MFF: variants seen among roughly 807,000 people sequenced by gnomAD.
MFF encodes the protein mitochondrial fission factor, also known as chromosome 2 open reading frame 33.
MFF carries 12 observed loss-of-function variants against 36.9 expected under a neutral mutation model. The ratio of observed to expected loss-of-function variants is 0.33; its 90% CI spans 0.21 to 0.53. The LOEUF (loss-of-function observed/expected upper bound fraction) is 0.53, where lower values mean the gene tolerates loss of function less well. MFF is among the 20% of genes least tolerant of loss of function. The pLI is 0.95. For synonymous variants in MFF, 99 were observed against 126.2 expected, an observed-to-expected ratio of 0.78 and a Z score of 1.44; for missense variants, 348 against 366.6, an observed-to-expected ratio of 0.95 and a Z score of 0.42.
chr2:227,347,335 A>G lies in MFF; in HGVS notation c.550A>G (p.Thr184Ala). 1 of 1,613,702 alleles carries G rather than the reference A, an allele frequency of 6.2e-7. No individual in the cohort carries two copies. Among genetic ancestry groups the G allele is most frequent in the South Asian group, 1.1e-5 (1 of 91,076 alleles). Residue 184 changes from threonine (T) to alanine (A), a missense_variant, in exon 6 of 9, where the codon ACT becomes GCT. Thr to Ala is a moderately conservative substitution (Grantham distance 58, BLOSUM62 0). Transcript: ENST00000304593. ...RGILSLIQSS[T>A]RRAYQQILDV... is the part of the protein sequence containing the mutation. The stretch of plus-strand genomic sequence containing the variant: ...CATTTTGTCGCTTATCCAGTCTTCT[A>G]CTCGTAGGGCATACCAGCAGATCTT...
intron 1 of MFF, among the ~76,000 whole-genome samples, chr2:227,327,547 G>T (rs1261328821): frequency 6.6e-6 from 1 of 152,184 alleles, no homozygotes; most frequent in Non-Finnish European, 1.5e-5. Context: ...AGCTACAGGA[G>T]AACTTGGCTT....
rs752254842 is a variant in MFF at position 227,330,792 on chromosome 2, G to T, written c.127G>T (p.Gly43Ter). The change falls in exon 3 of 9, where the codon GGA (glycine) becomes TGA (stop). Residue 43 changes from glycine to a stop codon, truncating the protein, a stop_gained. Coordinates refer to ENST00000304593, the MANE Select transcript of MFF (RefSeq NM_001277062.2). LOFTEE classifies it high-confidence loss of function. ...NADLEQGFQE[G>*]VPNASVIMQV... is the part of the protein sequence containing the mutation. ...TGACCTGGAACAAGGATTCCAAGAA[G>T]GAGTTCCAAATGCTAGTGTGATAAT... is the stretch of plus-strand genomic sequence containing the variant. 6.2e-7 allele frequency: 1 copy of T among 1,614,218 alleles called. No individual in the cohort carries two copies. The highest frequency in any genetic ancestry group is 8.5e-7 in the Non-Finnish European group (1 of 1,180,024).
intron 4 of MFF, 113 bp from the exon 5 acceptor site, chr2:227,340,179 T>G: frequency 1.3e-6 from 1 of 773,316 alleles, no homozygotes; most frequent in Non-Finnish European, 2.0e-6. Flanking sequence ...TGCCTTTTCT[T>G]AGTTCGTTGT....
intron 5 of MFF, among the ~76,000 whole-genome samples, chr2:227,343,843 A>G (rs1360707073): frequency 1.3e-5 from 2 of 152,070 alleles, no homozygotes; most frequent in African/African-American, 4.8e-5. Flanking sequence ...GCTGGAGTGC[A>G]ATGGCGTGAT....
Position 227,331,959 on chromosome 2 carries a change from A to ATATTTTTTTTTT in MFF, c.182-459_182-458insATTTTTTTTTTT, listed in dbSNP as rs572787657. On this transcript the variant is annotated intron_variant, in intron 3 of 8. Transcript: ENST00000304593. ...AGTGAAATGTCAATACGCTGGAAGC[A>ATATTTTTTTTTT]TTTTTTTTTTTTTTTTTTTTTTTTT... is the stretch of plus-strand genomic sequence containing the variant. Among the ~76,000 whole-genome samples, 15 of 76,842 alleles carry ATATTTTTTTTTT rather than the reference A, an allele frequency of 2.0e-4. 2 individuals are homozygous for ATATTTTTTTTTT. Among genetic ancestry groups the ATATTTTTTTTTT allele is most frequent in the African/African-American group, 5.5e-4 (12 of 21,946 alleles). 50.4% of individuals were successfully genotyped at this position (76,842 alleles called of 152,430 possible).
chr2:227,347,031 A>G (rs1047394078), intron 5 of MFF, 195 bp from the exon 6 acceptor site: 5 of 504,866 alleles, frequency 9.9e-6, no homozygotes, highest in African/African-American at 5.7e-5. Context: ...TTACAAAGTT[A>G]TAAGTGCTGC....
chr2:227,339,395 A>G (rs146193356), intron 4 of MFF, among the ~76,000 whole-genome samples: 9 of 152,288 alleles, frequency 5.9e-5, no homozygotes, highest in East Asian at 5.8e-4. Flanking sequence ...CTGTTCTTCA[A>G]TGTCTGGGGC....
intron 2 of MFF, chr2:227,330,404 T>A (rs2074484482): frequency 1.9e-6 from 1 of 517,370 alleles, no homozygotes; most frequent in Non-Finnish European, 3.4e-6. Context: ...AATTTGCTCC[T>A]AAGCAATATC....
chr2:227,335,568 A>G (rs1197093759), intron 4 of MFF, among the ~76,000 whole-genome samples: 3 of 152,338 alleles, frequency 2.0e-5, no homozygotes, highest in Non-Finnish European at 2.9e-5. Context: ...TGTTCTCTAC[A>G]GGGCAAGATC....
At chr2:227,344,502 A>G in intron 5 of MFF, among the ~76,000 whole-genome samples, 1 of 152,184 alleles carries the variant, frequency 6.6e-6, no homozygotes, top group East Asian at 1.9e-4. Context: ...GATTGCTAAA[A>G]TGGAGCTTAT....
At chr2:227,326,299 G>A (rs754859762) in intron 1 of MFF, among the ~76,000 whole-genome samples, 2 of 150,836 alleles carry the variant, frequency 1.3e-5, no homozygotes, top group Non-Finnish European at 2.9e-5. Flanking sequence ...CTCATCCACC[G>A]AGAGACTTAA....
At position 227,330,822 on chromosome 2, in the gene MFF, G is replaced by A. The variant is rs1369779549; in HGVS notation, c.157G>A (p.Val53Ile). Residue 53 changes from valine to isoleucine, a missense_variant, in exon 3 of 9, where the codon GTT becomes ATT. By Grantham distance (29) the Val-to-Ile change is conservative. Coordinates refer to ENST00000304593, the MANE Select transcript of MFF (RefSeq NM_001277062.2). ...TCCAAATGCTAGTGTGATAATGCAA[G>A]TTCCGGAGAGGATTGTTGTAGCAGG... Reference protein sequence around the residue: ...GVPNASVIMQVPERIVVAGNN... With the variant: ...GVPNASVIMQIPERIVVAGNN... 6.2e-7 allele frequency: 1 copy of A among 1,614,124 alleles called. No homozygotes were observed. The highest frequency in any genetic ancestry group is 8.5e-7 in the Non-Finnish European group (1 of 1,179,948).
At chr2:227,333,735 T>A (rs1167159794) in intron 4 of MFF, among the ~76,000 whole-genome samples, 1 of 152,236 alleles carries the variant, frequency 6.6e-6, no homozygotes, top group Non-Finnish European at 1.5e-5. Flanking sequence ...AAGGCCCAGC[T>A]TTCTAACTCC....
intron 4 of MFF, 110 bp from the exon 5 acceptor site, chr2:227,340,182 T>C (rs1365435604): frequency 4.9e-6 from 4 of 812,818 alleles, no homozygotes; most frequent in South Asian, 1.8e-5. Flanking sequence ...CTTTTCTTAG[T>C]TCGTTGTAAG....
chr2:227,329,744 A>G (rs2074428866), intron 2 of MFF: 3 of 1,564,676 alleles, frequency 1.9e-6, no homozygotes, highest in Non-Finnish European at 2.6e-6. Flanking sequence ...TACTGTATTT[A>G]AATGAGTAAA....
chr2:227,343,679 A>G (rs980886049), intron 5 of MFF, among the ~76,000 whole-genome samples: 11 of 152,164 alleles, frequency 7.2e-5, no homozygotes, highest in African/African-American at 2.7e-4. Context: ...TCCTATGAAA[A>G]CTCAAAGAGG....
intron 5 of MFF, among the ~76,000 whole-genome samples, chr2:227,343,073 T>C (rs939321092): frequency 6.6e-6 from 1 of 152,130 alleles, no homozygotes; most frequent in East Asian, 1.9e-4. Context: ...AAATATAATA[T>C]GCACATAAGG....
intron 6 of MFF, among the ~76,000 whole-genome samples, chr2:227,349,187 A>C (rs942946424): frequency 8.6e-5 from 13 of 151,940 alleles, no homozygotes; most frequent in African/African-American, 3.1e-4. Context: ...GTAAAAAAAG[A>C]AAAAAAATTA....
At position 227,356,931 on chromosome 2, in the gene MFF, C is replaced by T. The variant is rs192039193; in HGVS notation, c.745-55C>T. The T allele has an allele frequency of 2.1e-5, 28 of 1,321,150 alleles. No homozygotes were observed. The Admixed American group carries it at 2.2e-4, about 10-fold the overall frequency. 81.8% of individuals were successfully genotyped at this position (1,321,150 alleles called of 1,614,324 possible). A position where few individuals can be genotyped will look rare whatever the true frequency, so the allele number is the denominator to read the frequency against. On this transcript the variant is annotated intron_variant, in intron 8 of 8. Transcript: ENST00000304593. ...TACTTACTTTATAAGAATCTGATTG[C>T]CCTATTCATTAAAGCCTCTATATTA...
Sources: gnomAD v4.1 joint callset for allele counts (sites outside exome capture counted in the v4.1 genomes callset) on GRCh38, gnomAD v4.1.1 for gene constraint, MANE v1.5 for transcripts, NCBI Gene and HGNC (gene_info 2026-07-23, HGNC 2026-07-21) for gene names.